Variants in NETO1 observed in about 807,000 individuals in gnomAD.
The protein encoded by NETO1 is neuropilin and tolloid-like protein 1.
In NETO1, 26 loss-of-function variants were observed where a neutral mutation model predicts 61.3. The ratio of observed to expected loss-of-function variants is 0.42; its 90% confidence interval spans 0.31 to 0.59. NETO1 has a LOEUF of 0.59. Among genes scored for constraint, NETO1 ranks in the 20% least tolerant of loss-of-function variants. The pLI is 0.12. For missense variants in NETO1, 531 were observed against 662.8 expected, an observed-to-expected ratio of 0.80 and a Z score of 2.18; for synonymous variants, 225 against 225.8, an observed-to-expected ratio of 1.00 and a Z score of 0.03.
At chr18:72,816,327 G>A (rs550915249) in intron 4 of NETO1, among the ~76,000 whole-genome samples, 4 of 152,278 alleles carry the variant, frequency 2.6e-5, no homozygotes, top group African/African-American at 7.2e-5. Flanking sequence ...CCCAAAGCAC[G>A]CTGGAAAATG....
chr18:72,816,976 T>C (rs1282188947), intron 4 of NETO1, among the ~76,000 whole-genome samples: 1 of 152,142 alleles, frequency 6.6e-6, no homozygotes, highest in African/African-American at 2.4e-5. Context: ...ATGCAGCCTG[T>C]GGGAGGCATA....
At chr18:72,858,696 G>A (rs2074478198) in intron 4 of NETO1, 130 bp downstream of exon 4, 4 of 931,878 alleles carry the variant, frequency 4.3e-6, no homozygotes, top group Admixed American at 6.0e-5. Flanking sequence ...AAAAAGCACT[G>A]TAGATTTGGT....
intron 8 of NETO1, among the ~76,000 whole-genome samples, chr18:72,755,081 T>C (rs72962354): frequency 0.13 from 20,196 of 152,230 alleles, 1,568 homozygotes; most frequent in Middle Eastern, 0.19. Context: ...CCATTCACAT[T>C]TGTTGCATGT....
At chr18:72,757,698 T>C (rs921968553) in intron 7 of NETO1, among the ~76,000 whole-genome samples, 4 of 152,208 alleles carry the variant, frequency 2.6e-5, no homozygotes, top group African/African-American at 9.6e-5. Flanking sequence ...AAACCTTTCA[T>C]AATGTAAAAT....
At chr18:72,776,500 C>T (rs2071553718) in intron 7 of NETO1, among the ~76,000 whole-genome samples, 2 of 152,164 alleles carry the variant, frequency 1.3e-5, no homozygotes, top group African/African-American at 2.4e-5. Context: ...CAGCTTATGA[C>T]CAACAGAAAT....
intron 4 of NETO1, among the ~76,000 whole-genome samples, chr18:72,825,535 T>G (rs975580509): frequency 6.6e-6 from 1 of 152,136 alleles, no homozygotes; most frequent in South Asian, 2.1e-4. Context: ...TTTTATTTCA[T>G]TAATTTCTGC....
intron 4 of NETO1, among the ~76,000 whole-genome samples, chr18:72,803,713 C>A (rs1462447264): frequency 6.6e-6 from 1 of 151,600 alleles, no homozygotes. Context: ...CCCAGATACT[C>A]GGGAGGCTGT....
rs763230519 is a variant in NETO1 at position 72,745,434 on chromosome 18, T to C, written c.*2745A>G. 2.6e-5 allele frequency: 4 copies of C among 152,184 alleles called. No homozygotes were observed. Among genetic ancestry groups the C allele is most frequent in the Non-Finnish European group, 5.9e-5 (4 of 68,032 alleles). The allele number at this position is 152,184 out of a possible 1,614,324, so 9.4% of individuals were successfully genotyped here. A position where few individuals can be genotyped will look rare whatever the true frequency, so the allele number is the denominator to read the frequency against. On this transcript the variant is annotated 3_prime_UTR_variant, in exon 11 of 11. Transcript: ENST00000327305. Reference sequence around the variant, plus strand: ...AAAAATAAAATGAAAAAGAATAGCTTTATGAAATTAACACAGCAGGCTAAC... The same window carrying C: ...AAAAATAAAATGAAAAAGAATAGCTCTATGAAATTAACACAGCAGGCTAAC...
At position 72,773,303 on chromosome 18, in the gene NETO1, C is replaced by A. The variant is rs1038608214; in HGVS notation, c.868+10375G>T. ...GTCAGGTCAACCCAAGATAATCCCC[C>A]TTCTTTTGATTAAATCAAAGTCAAT... On this transcript the variant is annotated intron_variant, in intron 7 of 10. Coordinates refer to ENST00000327305, the MANE Select transcript of NETO1 (RefSeq NM_138966.5). 2.0e-5 allele frequency among the ~76,000 whole-genome samples: 3 copies of A among 152,056 alleles called. No homozygotes were observed. In the South Asian group the frequency reaches 6.2e-4, roughly 32 times the overall value.
chr18:72,855,130 AAC>A (rs2074377178), intron 4 of NETO1, among the ~76,000 whole-genome samples: 1 of 152,164 alleles, frequency 6.6e-6, no homozygotes, highest in Non-Finnish European at 1.5e-5. Context: ...TCCATGGCGT[AAC>A]TTTTAACATT....
intron 4 of NETO1, among the ~76,000 whole-genome samples, chr18:72,799,503 C>T (rs964735022): frequency 6.6e-6 from 1 of 152,210 alleles, no homozygotes; most frequent in Non-Finnish European, 1.5e-5. Context: ...AATGGAGTGG[C>T]TGCCATGACT....
At chr18:72,754,155 T>C (rs2070712618) in intron 8 of NETO1, among the ~76,000 whole-genome samples, 2 of 152,118 alleles carry the variant, frequency 1.3e-5, no homozygotes, top group South Asian at 4.1e-4. Context: ...AGCTGTATGT[T>C]TTAAGTCCTA....
chr18:72,810,586 C>T (rs1346178555), intron 4 of NETO1, among the ~76,000 whole-genome samples: 1 of 152,222 alleles, frequency 6.6e-6, no homozygotes, highest in African/African-American at 2.4e-5. Flanking sequence ...CTTCTTTCCA[C>T]TGGCATTTAG....
intron 4 of NETO1, among the ~76,000 whole-genome samples, chr18:72,853,899 A>T (rs1196890937): frequency 6.6e-6 from 1 of 152,044 alleles, no homozygotes; most frequent in Admixed American, 6.6e-5. Flanking sequence ...AGCACCTATC[A>T]GAACTCTGAT....
chr18:72,757,157 C>T (rs1599098267), intron 7 of NETO1, among the ~76,000 whole-genome samples: 1 of 151,970 alleles, frequency 6.6e-6, no homozygotes, highest in African/African-American at 2.4e-5. Flanking sequence ...ATCTATTGCA[C>T]ATGAAACATA....
chr18:72,864,920 C>G lies in NETO1; in HGVS notation c.108G>C (p.Gln36His), dbSNP rs1410423319. The G allele has an allele frequency of 6.3e-7, 1 of 1,598,296 alleles. No homozygotes were observed. Among genetic ancestry groups the G allele is most frequent in the East Asian group, 2.2e-5 (1 of 44,686 alleles). Residue 36 changes from glutamine (Q) to histidine (H), a missense_variant, in exon 3 of 11, where the codon CAG becomes CAC. Coordinates refer to ENST00000327305, the MANE Select transcript of NETO1 (RefSeq NM_138966.5). ...GTEKQTTSET[Q>H]KSVQCGTWTK... Reference sequence around the variant, plus strand: ...TCCAAGTTCCACACTGCACTGACTTCTGTGTTTCTGAGGTGGTTTGCTTTT... The same window carrying G: ...TCCAAGTTCCACACTGCACTGACTTGTGTGTTTCTGAGGTGGTTTGCTTTT...
At chr18:72,867,108 G>A in intron 1 of NETO1, 156 bp downstream of exon 1, 1 of 533,706 alleles carries the variant, frequency 1.9e-6, no homozygotes, top group South Asian at 3.8e-5. Context: ...GTTCCACGAT[G>A]CTGCAATACA....
intron 4 of NETO1, among the ~76,000 whole-genome samples, chr18:72,846,058 T>G (rs181108002): frequency 6.6e-6 from 1 of 151,982 alleles, no homozygotes; most frequent in African/African-American, 2.4e-5. Flanking sequence ...ACAGTTCAGA[T>G]AGAAACTGTA....
chr18:72,801,767 A>C (rs758064429), intron 4 of NETO1, among the ~76,000 whole-genome samples: 7 of 152,202 alleles, frequency 4.6e-5, no homozygotes, highest in Non-Finnish European at 8.8e-5. Flanking sequence ...TTTGTATTTA[A>C]CTTTTATCTA....
Sources: gnomAD v4.1 joint callset for allele counts (sites outside exome capture counted in the v4.1 genomes callset) on GRCh38, gnomAD v4.1.1 for gene constraint, MANE v1.5 for transcripts, NCBI Gene and HGNC (gene_info 2026-07-23, HGNC 2026-07-21) for gene names.